The following TRAPPC9 variants were observed in gnomAD, a reference collection of about 807,000 sequenced individuals.
TRAPPC9 encodes IKK2 binding protein.
Under a neutral mutation model 124.0 loss-of-function variants are expected in TRAPPC9, and 83 were observed. The ratio of observed to expected loss-of-function variants is 0.67; its 90% CI spans 0.56 to 0.80. The LOEUF is 0.80. Among genes scored for constraint, TRAPPC9 ranks in the 30% least tolerant of loss-of-function variants. The pLI is 0.00. For missense variants in TRAPPC9, 1,302 were observed against 1,508.3 expected, an observed-to-expected ratio of 0.86 and a Z score of 2.27; for synonymous variants, 638 against 617.5, an observed-to-expected ratio of 1.03 and a Z score of -0.49.
chr8:140,252,523 A>C lies in TRAPPC9; in HGVS notation c.2431+254T>G. The C allele has an allele frequency of 2.1e-6, 1 of 487,308 alleles. No individual in the cohort carries two copies. The highest frequency in any genetic ancestry group is 3.7e-6 in the Non-Finnish European group (1 of 271,610). The allele number at this position is 487,308 out of a possible 1,614,324, so 30.2% of individuals were successfully genotyped here. ...AATTCCTACATTCCACTAATTTAGA[A>C]TGACCTGCTGGTAAATGAGTACAAA... On this transcript the variant is annotated intron_variant, in intron 16 of 22. Transcript: ENST00000438773. This position sits in a 1 kb window ranked among gnomAD's most constrained non-coding sequence, Gnocchi z 4.2.
At position 140,188,825 on chromosome 8, in the gene TRAPPC9, T is replaced by C. The variant is rs535869689; in HGVS notation, c.2556+32634A>G. Among the ~76,000 whole-genome samples, 4 of 152,318 alleles carry C rather than the reference T, an allele frequency of 2.6e-5. No homozygotes were observed. In the South Asian group the frequency reaches 6.2e-4, roughly 24 times the overall value. ...CAATTTGACCACTATCCACAGCTGA[T>C]GGTCCCGAATTGATACCACCAGGCT... is the stretch of plus-strand genomic sequence containing the variant. On this transcript the variant is annotated intron_variant, in intron 17 of 22. Coordinates refer to ENST00000438773, the MANE Select transcript of TRAPPC9 (RefSeq NM_001160372.4).
chr8:139,821,919 C>T (rs1167359706), intron 21 of TRAPPC9, among the ~76,000 whole-genome samples: 2 of 152,214 alleles, frequency 1.3e-5, no homozygotes, highest in Non-Finnish European at 2.9e-5. Flanking sequence ...TAGTGCCATG[C>T]TCGGCTATTG....
At chr8:140,409,500 C>T (rs6578102) in intron 5 of TRAPPC9, among the ~76,000 whole-genome samples, 31,133 of 152,128 alleles carry the variant, frequency 0.2, 3,347 homozygotes, top group Middle Eastern at 0.37. Flanking sequence ...CATACCTATG[C>T]AATGTGATTT....
At position 140,109,493 on chromosome 8, in the gene TRAPPC9, T is replaced by C. The variant is rs562586938; in HGVS notation, c.2557-85414A>G. 5.0e-4 allele frequency among the ~76,000 whole-genome samples: 76 copies of C among 152,222 alleles called. 1 individual carries two copies. Among genetic ancestry groups the C allele is most frequent in the African/African-American group, 1.7e-3 (72 of 41,506 alleles). On this transcript the variant is annotated intron_variant, in intron 17 of 22. Coordinates refer to ENST00000438773, the MANE Select transcript of TRAPPC9 (RefSeq NM_001160372.4). ...ACCATGTGGTACAGTGAAACTAACA[T>C]ATCTGGGTCTAAATTCCAGGCCTGC...
chr8:140,446,440 T>C (rs1010237016), intron 2 of TRAPPC9, among the ~76,000 whole-genome samples: 9 of 152,200 alleles, frequency 5.9e-5, no homozygotes, highest in South Asian at 4.1e-4. Flanking sequence ...AGTGGTCACT[T>C]ATACAGGGCC....
At chr8:140,113,098 G>A in intron 17 of TRAPPC9, among the ~76,000 whole-genome samples, 1 of 152,178 alleles carries the variant, frequency 6.6e-6, no homozygotes. Context: ...GAATTTCAGG[G>A]GTTGGAAATA....
rs77045237 is a variant in TRAPPC9, at chr8:140,353,624, G to A, written c.1495+6426C>T. 4.6e-5 allele frequency among the ~76,000 whole-genome samples: 7 copies of A among 152,296 alleles called. No homozygotes were observed. Among genetic ancestry groups the A allele is most frequent in the Non-Finnish European group, 8.8e-5 (6 of 68,026 alleles). On this transcript the variant is annotated intron_variant, in intron 9 of 22. Coordinates refer to ENST00000438773, the MANE Select transcript of TRAPPC9 (RefSeq NM_001160372.4). The surrounding 1 kb of genome is among the most constrained non-coding windows in gnomAD (Gnocchi z 4.2). ...GTAAATTCATCCTGAAACGGCCAGC[G>A]CAAGGATGACCATCAGGCCGCGGGC...
intron 15 of TRAPPC9, among the ~76,000 whole-genome samples, chr8:140,255,891 C>G (rs932340446): frequency 2.0e-5 from 3 of 152,166 alleles, no homozygotes; most frequent in African/African-American, 7.2e-5. Flanking sequence ...GTCCCCAAAA[C>G]AGAAGAAGCT....
intron 18 of TRAPPC9, among the ~76,000 whole-genome samples, chr8:140,009,951 G>T (rs1243234094): frequency 6.6e-6 from 1 of 152,222 alleles, no homozygotes; most frequent in Non-Finnish European, 1.5e-5. Context: ...GAGGGAAGAT[G>T]AACGCTATGC....
chr8:139,809,531 C>CGACT (rs1824292338), intron 21 of TRAPPC9, among the ~76,000 whole-genome samples: 1 of 152,202 alleles, frequency 6.6e-6, no homozygotes, highest in Non-Finnish European at 1.5e-5. Flanking sequence ...CAATCGCCTC[C>CGACT]GACTTCAGTC....
chr8:140,110,819 CT>C lies in TRAPPC9; in HGVS notation c.2557-86741del, dbSNP rs376735871. Among the ~76,000 whole-genome samples, 36 of 4,844 alleles carry C rather than the reference CT, an allele frequency of 7.4e-3. 7 individuals carry two copies. The highest frequency in any genetic ancestry group is 0.053 in the African/African-American group (19 of 360). 3.2% of individuals were successfully genotyped at this position (4,844 alleles called of 152,430 possible). On this transcript the variant is annotated intron_variant, in intron 17 of 22. Coordinates refer to ENST00000438773, the MANE Select transcript of TRAPPC9 (RefSeq NM_001160372.4). ...CAGCTCCCCCTGTAGCAGCCCCCCC[CT>C]GCAGCAGCTCCCCCTGCAACCCCTG...
chr8:140,140,561 G>A (rs181815831), intron 17 of TRAPPC9, among the ~76,000 whole-genome samples: 193 of 152,284 alleles, frequency 1.3e-3, no homozygotes, highest in South Asian at 1.0e-2. Context: ...ATTCAACAAA[G>A]CATCCTCCCA....
At chr8:140,001,042 C>T (rs979032114) in intron 18 of TRAPPC9, among the ~76,000 whole-genome samples, 1 of 152,162 alleles carries the variant, frequency 6.6e-6, no homozygotes, top group African/African-American at 2.4e-5. Flanking sequence ...CCATGGAATA[C>T]TATGCAGCCA....
chr8:140,277,828 CAGAG>C (rs2065172340), intron 14 of TRAPPC9, among the ~76,000 whole-genome samples: 1 of 152,174 alleles, frequency 6.6e-6, no homozygotes, highest in Non-Finnish European at 1.5e-5. Flanking sequence ...AGCTTCTTGG[CAGAG>C]AGAAACTCCA....
intron 21 of TRAPPC9, among the ~76,000 whole-genome samples, chr8:139,769,259 T>C (rs1820790762): frequency 1.3e-5 from 2 of 152,242 alleles, no homozygotes; most frequent in Admixed American, 6.5e-5. Context: ...GTTTAACTTA[T>C]GTATTAGGCA....
At chr8:140,307,466 G>A (rs1454411254) in intron 10 of TRAPPC9, among the ~76,000 whole-genome samples, 1 of 152,120 alleles carries the variant, frequency 6.6e-6, no homozygotes, top group Non-Finnish European at 1.5e-5. Context: ...CAACACACAA[G>A]GTCACCTGGG....
intron 20 of TRAPPC9, among the ~76,000 whole-genome samples, chr8:139,902,379 G>T (rs1301786672): frequency 1.3e-5 from 2 of 152,182 alleles, no homozygotes; most frequent in Non-Finnish European, 2.9e-5. Flanking sequence ...GTGATGTGAC[G>T]GCCTCGCTGG....
rs1256878780 is a variant in TRAPPC9 at position 140,297,333 on chromosome 8, T to G, written c.1768+3136A>C. Among the ~76,000 whole-genome samples the G allele has an allele frequency of 2.3e-5, 3 of 133,134 alleles. No individual in the cohort carries two copies. In the East Asian group the frequency reaches 5.8e-4, roughly 26 times the overall value. The allele number at this position is 133,134 out of a possible 152,430, so 87.3% of individuals were successfully genotyped here. The stretch of plus-strand genomic sequence containing the variant: ...ACACACACATGCATGCACACACTCA[T>G]ACACACACATGCATAGACACACACA... On this transcript the variant is annotated intron_variant, in intron 11 of 22. Transcript: ENST00000438773.
chr8:140,013,212 C>T (rs1293908113), intron 18 of TRAPPC9, among the ~76,000 whole-genome samples: 1 of 152,118 alleles, frequency 6.6e-6, no homozygotes, highest in East Asian at 1.9e-4. Flanking sequence ...CCATCACAGT[C>T]GCAGCAGCTG....
Sources: allele counts gnomAD v4.1 joint callset (sites outside exome capture counted in the v4.1 genomes callset), GRCh38; gene constraint gnomAD v4.1.1; non-coding constraint Gnocchi (gnomAD v3.1); transcripts MANE v1.5; gene names NCBI Gene and HGNC (gene_info 2026-07-23, HGNC 2026-07-21).